OPCML: variants seen among roughly 807,000 people sequenced by gnomAD.
OPCML encodes opioid-binding protein/cell adhesion molecule.
Under a neutral mutation model 37.8 loss-of-function variants are expected in OPCML, and 13 were observed. The ratio of observed to expected loss-of-function variants is 0.34; its 90% CI spans 0.22 to 0.55. OPCML has a LOEUF of 0.55. OPCML is among the 20% of genes least tolerant of loss of function. The pLI, the probability that OPCML is intolerant of heterozygous loss-of-function variation, is 0.91. For synonymous variants in OPCML, 176 were observed against 168.8 expected (o/e 1.04, Z -0.33); for missense variants, 341 against 435.6 (o/e 0.78, Z 1.93).
intron 1 of OPCML, chr11:133,026,664 T>C: frequency 3.7e-6 from 3 of 800,032 alleles, no homozygotes; most frequent in Non-Finnish European, 4.5e-6. Context: ...TTGCCTGGAT[T>C]CCTACAGCTC....
intron 1 of OPCML, among the ~76,000 whole-genome samples, chr11:133,320,552 G>T (rs1343583869): frequency 6.7e-6 from 1 of 150,312 alleles, no homozygotes; most frequent in Non-Finnish European, 1.5e-5. Flanking sequence ...CATCTAATAA[G>T]TGTTAGCTCT....
At chr11:133,175,572 A>T (rs552990565) in intron 1 of OPCML, among the ~76,000 whole-genome samples, 1 of 152,112 alleles carries the variant, frequency 6.6e-6, no homozygotes, top group East Asian at 1.9e-4. Context: ...TTCTCTGTTC[A>T]CACATTTAAT....
At chr11:132,502,948 C>T (rs2096248726) in intron 4 of OPCML, among the ~76,000 whole-genome samples, 1 of 152,188 alleles carries the variant, frequency 6.6e-6, no homozygotes, top group African/African-American at 2.4e-5. Context: ...AGCTGATCCT[C>T]ACAGCAATAT....
chr11:132,720,068 G>A (rs1944625331), intron 2 of OPCML, among the ~76,000 whole-genome samples: 1 of 152,226 alleles, frequency 6.6e-6, no homozygotes, highest in Non-Finnish European at 1.5e-5. Flanking sequence ...CCGGTAAAAT[G>A]CTTGCACTGG....
At chr11:132,756,518 G>A (rs1946053577) in intron 2 of OPCML, among the ~76,000 whole-genome samples, 1 of 152,140 alleles carries the variant, frequency 6.6e-6, no homozygotes. Flanking sequence ...TTAACATTTA[G>A]CACTAAGGAG....
rs918023223 is a variant in OPCML at position 133,173,920 on chromosome 11, C to T, written c.62-230910G>A. ...AAGATTGGACCGGGGCCGGCCGGCACTGGAGCAGCCCTCTCCCTCCATCCA... is the reference window on the plus strand; with the variant it reads ...AAGATTGGACCGGGGCCGGCCGGCATTGGAGCAGCCCTCTCCCTCCATCCA... On this transcript the variant is annotated intron_variant, in intron 1 of 7. Coordinates refer to ENST00000524381, the MANE Select transcript of OPCML (RefSeq NM_001012393.5). The surrounding 1 kb of genome is among the most constrained non-coding windows in gnomAD (Gnocchi z 7.8). Among the ~76,000 whole-genome samples, 10 of 152,202 alleles carry T rather than the reference C, an allele frequency of 6.6e-5. No individual in the cohort carries two copies. The highest frequency in any genetic ancestry group is 1.9e-4 in the African/African-American group (8 of 41,452).
chr11:133,402,146 G>A (rs1945416948), intron 1 of OPCML, among the ~76,000 whole-genome samples: 1 of 152,102 alleles, frequency 6.6e-6, no homozygotes, highest in Admixed American at 6.5e-5. Context: ...GTCCAAGGTT[G>A]GGGGCATGCA....
intron 1 of OPCML, among the ~76,000 whole-genome samples, chr11:133,282,396 T>C (rs1018843537): frequency 7.9e-5 from 12 of 152,228 alleles, no homozygotes; most frequent in African/African-American, 2.9e-4. Flanking sequence ...CCTTGGCAGC[T>C]TGCACATGGC....
At chr11:133,162,678 G>C (rs1391658660) in intron 1 of OPCML, among the ~76,000 whole-genome samples, 3 of 152,168 alleles carry the variant, frequency 2.0e-5, no homozygotes, top group Non-Finnish European at 4.4e-5. Context: ...TTACAGCCAC[G>C]AGGGAAGAAA....
chr11:132,610,668 C>T (rs987196484), intron 3 of OPCML, among the ~76,000 whole-genome samples: 1 of 152,090 alleles, frequency 6.6e-6, no homozygotes, highest in African/African-American at 2.4e-5. Context: ...GAAACCACAT[C>T]ATTATTTCTG....
At position 132,415,592 on chromosome 11, in the gene OPCML, A is replaced by G. The variant is rs1160606450; in HGVS notation, c.*4601T>C. On this transcript the variant is annotated 3_prime_UTR_variant, in exon 8 of 8. Coordinates refer to ENST00000524381, the MANE Select transcript of OPCML (RefSeq NM_001012393.5). ...TTTCTCCACCCAGTGGTGTGGAGCA[A>G]CTCTGTGCCTTAAAGAGGGCACCAT... is the stretch of plus-strand genomic sequence containing the variant. The G allele has an allele frequency of 4.6e-5, 7 of 152,140 alleles. No homozygotes were observed. The highest frequency in any genetic ancestry group is 5.9e-5 in the Non-Finnish European group (4 of 68,022). 9.4% of individuals were successfully genotyped at this position (152,140 alleles called of 1,614,324 possible). A position where few individuals can be genotyped will look rare whatever the true frequency, so the allele number is the denominator to read the frequency against.
intron 1 of OPCML, among the ~76,000 whole-genome samples, chr11:133,088,594 C>G (rs932917975): frequency 1.3e-5 from 2 of 152,328 alleles, no homozygotes; most frequent in South Asian, 4.1e-4. Flanking sequence ...ATAAAAATCA[C>G]TTGATATCAA....
chr11:133,415,014 G>T (rs1592277622), intron 1 of OPCML, among the ~76,000 whole-genome samples: 1 of 152,138 alleles, frequency 6.6e-6, no homozygotes, highest in East Asian at 1.9e-4. Flanking sequence ...AAGACAACAA[G>T]AATTGGCATG....
chr11:133,315,220 T>A (rs1309768807), intron 1 of OPCML, among the ~76,000 whole-genome samples: 1 of 152,164 alleles, frequency 6.6e-6, no homozygotes, highest in Non-Finnish European at 1.5e-5. Context: ...ATATGAAAAT[T>A]TAAAGCATGT....
rs1950343817 is a variant in OPCML, at chr11:133,174,803, T to TACTTC, written c.62-231798_62-231794dup. Among the ~76,000 whole-genome samples, 2 of 152,232 alleles carry TACTTC rather than the reference T, an allele frequency of 1.3e-5. No homozygotes were observed. Among genetic ancestry groups the TACTTC allele is most frequent in the African/African-American group, 4.8e-5 (2 of 41,458 alleles). ...TTATAATTCATTTATGATGAGTGTA[T>TACTTC]ACTTCGTGTGCACTAGAAAAAGAGT... On this transcript the variant is annotated intron_variant, in intron 1 of 7. Transcript: ENST00000524381. The surrounding 1 kb of genome is among the most constrained non-coding windows in gnomAD (Gnocchi z 4.6).
intron 1 of OPCML, among the ~76,000 whole-genome samples, chr11:133,064,381 G>A (rs1023641308): frequency 1.3e-5 from 2 of 152,240 alleles, no homozygotes; most frequent in East Asian, 1.9e-4. Flanking sequence ...GAGCTCCTCC[G>A]CAGGGAGCAT....
intron 1 of OPCML, among the ~76,000 whole-genome samples, chr11:133,400,111 C>A (rs896498549): frequency 2.0e-5 from 3 of 152,104 alleles, no homozygotes; most frequent in African/African-American, 4.8e-5. Context: ...TGGGCTCCTG[C>A]CCATTACTGC....
intron 1 of OPCML, chr11:133,421,615 T>G (rs1346076248): frequency 8.1e-6 from 8 of 985,350 alleles, no homozygotes; most frequent in African/African-American, 1.7e-5. Context: ...AACCATTGAA[T>G]GTTAAGGCTC....
intron 1 of OPCML, among the ~76,000 whole-genome samples, chr11:133,314,878 T>C (rs931383576): frequency 3.9e-5 from 6 of 152,246 alleles, no homozygotes; most frequent in Non-Finnish European, 7.3e-5. Flanking sequence ...TAATGTTTGT[T>C]GTCGTGCTGT....
Sources: allele counts gnomAD v4.1 joint callset (sites outside exome capture counted in the v4.1 genomes callset), GRCh38; gene constraint gnomAD v4.1.1; non-coding constraint Gnocchi (gnomAD v3.1); transcripts MANE v1.5; gene names NCBI Gene and HGNC (gene_info 2026-07-23, HGNC 2026-07-21).